Variants in DNAI4 observed in about 807,000 individuals in gnomAD.
DNAI4 encodes the protein dynein axonemal intermediate chain 4, also known as WD repeat domain 78.
A neutral mutation model predicts 105.8 loss-of-function variants in DNAI4; 85 were observed. The ratio of observed to expected loss-of-function variants is 0.80; its 90% confidence interval spans 0.67 to 0.96. DNAI4 has a LOEUF of 0.96. Ranked by LOEUF, DNAI4 falls within the 40% of genes least tolerant of loss-of-function variation. The probability of loss-of-function intolerance (pLI) is 0.00; values close to 1 mark genes in which losing one functional copy is unlikely to be tolerated. For synonymous variants in DNAI4, 352 were observed against 331.5 expected, an observed-to-expected ratio of 1.06 and a Z score of -0.67; for missense variants, 1,014 against 1,005.6, an observed-to-expected ratio of 1.01 and a Z score of -0.11.
At chr1:66,899,959 T>G (rs1314155776) in intron 2 of DNAI4, among the ~76,000 whole-genome samples, 1 of 152,248 alleles carries the variant, frequency 6.6e-6, no homozygotes, top group Non-Finnish European at 1.5e-5. Flanking sequence ...TTGATTACTA[T>G]TGCTTTGTAA....
chr1:66,910,056 C>T (rs1019546171), intron 1 of DNAI4, among the ~76,000 whole-genome samples: 3 of 151,960 alleles, frequency 2.0e-5, no homozygotes, highest in African/African-American at 7.3e-5. Context: ...CTCTTTAAAA[C>T]ACATGTAAGG....
chr1:66,906,621 C>T (rs1649269599), intron 1 of DNAI4, among the ~76,000 whole-genome samples: 1 of 152,110 alleles, frequency 6.6e-6, no homozygotes, highest in South Asian at 2.1e-4. Context: ...GTATCCCTAG[C>T]ACCCAGCACA....
rs1410916018 is a variant in DNAI4 at position 66,924,694 on chromosome 1, C to G, written c.138G>C (p.Pro46=). The stretch of plus-strand genomic sequence containing the variant: ...AGTTCTGCTGCTTGTGACTGCCTGC[C>G]GGAGAGACTGGCATGGTGGCGACCA... ...PQLVATMPVS[P]AGSHKQQNFG... The change falls in exon 1 of 17, where the codon CCG becomes CCC. Residue 46 remains proline (P), a synonymous_variant. Transcript: ENST00000371026. The G allele has an allele frequency of 1.9e-6, 3 of 1,614,096 alleles. No individual in the cohort carries two copies. Among genetic ancestry groups the G allele is most frequent in the African/African-American group, 1.3e-5 (1 of 74,934 alleles).
intron 7 of DNAI4, among the ~76,000 whole-genome samples, chr1:66,848,892 T>G (rs1375811019): frequency 6.6e-6 from 1 of 152,180 alleles, no homozygotes; most frequent in Non-Finnish European, 1.5e-5. Context: ...GCCCCACCCA[T>G]GTGACGAAGG....
chr1:66,913,144 C>G (rs934943033), intron 1 of DNAI4, among the ~76,000 whole-genome samples: 9 of 152,154 alleles, frequency 5.9e-5, no homozygotes, highest in African/African-American at 2.2e-4. Flanking sequence ...TGGTAGAAAG[C>G]AGTCTTCAGC....
intron 2 of DNAI4, among the ~76,000 whole-genome samples, chr1:66,903,214 T>C (rs1264574680): frequency 6.6e-6 from 1 of 152,198 alleles, no homozygotes; most frequent in East Asian, 1.9e-4. Flanking sequence ...CTTTCCTTTC[T>C]TTTGTGTTTT....
intron 16 of DNAI4, among the ~76,000 whole-genome samples, chr1:66,821,350 C>T (rs907003086): frequency 2.6e-5 from 4 of 151,982 alleles, no homozygotes; most frequent in East Asian, 1.9e-4. Flanking sequence ...GCACCTGCCT[C>T]GGTCTCCAAA....
At chr1:66,891,069 C>G (rs1242775087) in intron 4 of DNAI4, 85 bp downstream of exon 4, 2 of 1,058,438 alleles carry the variant, frequency 1.9e-6, no homozygotes, top group Admixed American at 1.7e-5. Flanking sequence ...TACCATATTT[C>G]TTTTATCTCA....
At chr1:66,823,512 T>C (rs1277059902) in intron 15 of DNAI4, among the ~76,000 whole-genome samples, 1 of 148,160 alleles carries the variant, frequency 6.7e-6, no homozygotes, top group Non-Finnish European at 1.5e-5. Context: ...TGAACTAGTT[T>C]ACAGTCCCAC....
intron 2 of DNAI4, chr1:66,904,788 A>G (rs976071689): frequency 4.3e-5 from 7 of 164,250 alleles, no homozygotes; most frequent in African/African-American, 1.7e-4. Context: ...TTCTGTATAT[A>G]TATAATCATT....
Position 66,905,335 on chromosome 1 carries a change from CA to C in DNAI4, c.210del (p.Phe70LeufsTer4). 7 of 1,520,966 alleles carry C rather than the reference CA, an allele frequency of 4.6e-6. No homozygotes were observed. Among genetic ancestry groups the C allele is most frequent in the South Asian group, 4.0e-5 (3 of 75,004 alleles). 94.2% of individuals were successfully genotyped at this position (1,520,966 alleles called of 1,614,324 possible). A position where few individuals can be genotyped will look rare whatever the true frequency, so the allele number is the denominator to read the frequency against. On this transcript the variant is annotated frameshift_variant, in exon 2 of 17. Transcript: ENST00000371026. LOFTEE classifies it high-confidence loss of function. ...ATQPKKSISF[F>X]ATMKATSVKG... ...TTCACTGAAGTTGCTTTCATTGTAG[CA>C]AAAAAGCTAATAGACTTCTTTGGTT...
intron 7 of DNAI4, among the ~76,000 whole-genome samples, chr1:66,854,041 TAGA>T (rs1272699491): frequency 6.6e-6 from 1 of 152,176 alleles, no homozygotes; most frequent in Non-Finnish European, 1.5e-5. Flanking sequence ...AAGAAAAACA[TAGA>T]AGAATCTACT....
chr1:66,882,506 T>C (rs757306977), intron 4 of DNAI4, among the ~76,000 whole-genome samples: 9 of 147,450 alleles, frequency 6.1e-5, no homozygotes, highest in Non-Finnish European at 7.4e-5. Flanking sequence ...GGTCTGTGTC[T>C]ATGCTCTCTC....
intron 4 of DNAI4, among the ~76,000 whole-genome samples, chr1:66,884,131 T>TTA (rs1258874359): frequency 1.3e-5 from 2 of 152,208 alleles, no homozygotes; most frequent in Admixed American, 1.3e-4. Flanking sequence ...CTCTAATTCA[T>TTA]TATATCCATG....
At chr1:66,878,639 C>T (rs1647006401) in intron 4 of DNAI4, among the ~76,000 whole-genome samples, 3 of 152,144 alleles carry the variant, frequency 2.0e-5, no homozygotes, top group Admixed American at 6.5e-5. Context: ...TTAAGCTAAA[C>T]ATGAGTTTAT....
chr1:66,829,078 G>A (rs755510677), intron 13 of DNAI4, among the ~76,000 whole-genome samples: 3 of 152,108 alleles, frequency 2.0e-5, no homozygotes, highest in African/African-American at 4.8e-5. Context: ...GAGCCGTGAC[G>A]CAGTTGCAAT....
intron 7 of DNAI4, among the ~76,000 whole-genome samples, chr1:66,859,515 T>C (rs1646580246): frequency 6.6e-6 from 1 of 152,172 alleles, no homozygotes; most frequent in Admixed American, 6.6e-5. Context: ...TATAACCGTT[T>C]TATTCGAAAT....
chr1:66,888,565 C>T (rs1018668637), intron 4 of DNAI4, among the ~76,000 whole-genome samples: 1 of 152,140 alleles, frequency 6.6e-6, no homozygotes, highest in Non-Finnish European at 1.5e-5. Flanking sequence ...TGGTGGCAAG[C>T]GCCTGTATTC....
chr1:66,868,160 C>T (rs1646771363), intron 6 of DNAI4, among the ~76,000 whole-genome samples: 1 of 152,106 alleles, frequency 6.6e-6, no homozygotes, highest in Non-Finnish European at 1.5e-5. Flanking sequence ...TATAGGGATT[C>T]CTAATGCCTT....
Sources: gnomAD v4.1 joint callset for allele counts (sites outside exome capture counted in the v4.1 genomes callset) on GRCh38, gnomAD v4.1.1 for gene constraint, MANE v1.5 for transcripts, NCBI Gene and HGNC (gene_info 2026-07-23, HGNC 2026-07-21) for gene names.